The following GLIS3 variants were observed in gnomAD, a reference collection of about 807,000 sequenced individuals.
The protein encoded by GLIS3 is GLIS family zinc finger 3.
GLIS3 carries 53 observed loss-of-function variants against 78.6 expected under a neutral mutation model. That is an observed-to-expected ratio of 0.67 (90% CI 0.54 to 0.85). The LOEUF (loss-of-function observed/expected upper bound fraction) is 0.85, where lower values mean the gene tolerates loss of function less well. GLIS3 is among the 40% of genes least tolerant of loss of function. The pLI is 0.00. For synonymous variants in GLIS3, 684 were observed against 509.9 expected (o/e 1.34, Z -4.60); for missense variants, 1,703 against 1,231.1 (o/e 1.38, Z -5.74).
intron 4 of GLIS3, among the ~76,000 whole-genome samples, chr9:4,106,976 G>C (rs752240533): frequency 6.6e-6 from 1 of 152,088 alleles, no homozygotes; most frequent in Non-Finnish European, 1.5e-5. Flanking sequence ...TTTCCCAGCA[G>C]TGGTGATTGT....
chr9:4,463,457 G>C, the GLIS3 span, among the ~76,000 whole-genome samples: 1 of 152,102 alleles, frequency 6.6e-6, no homozygotes, highest in African/African-American at 2.4e-5. Context: ...CCCAGGCCCT[G>C]AAAATATGCT....
chr9:4,059,596 T>G (rs541699178), intron 4 of GLIS3, among the ~76,000 whole-genome samples: 1 of 152,320 alleles, frequency 6.6e-6, no homozygotes, highest in Non-Finnish European at 1.5e-5. Context: ...GGGAATAACC[T>G]GGAGACTGGT....
At chr9:3,997,206 C>A (rs1820810239) in intron 4 of GLIS3, among the ~76,000 whole-genome samples, 1 of 151,890 alleles carries the variant, frequency 6.6e-6, no homozygotes, top group Non-Finnish European at 1.5e-5. Context: ...ATTAGCTGGG[C>A]GTGGTGGTGC....
the GLIS3 span, among the ~76,000 whole-genome samples, chr9:4,417,787 T>C: frequency 6.6e-6 from 1 of 152,216 alleles, no homozygotes; most frequent in African/African-American, 2.4e-5. Context: ...TTTGTAATCT[T>C]TGCCTATCTG....
chr9:4,236,683 T>A (rs1384313320), intron 2 of GLIS3, among the ~76,000 whole-genome samples: 2 of 152,232 alleles, frequency 1.3e-5, no homozygotes, highest in African/African-American at 4.8e-5. Flanking sequence ...GTGCCTCATT[T>A]ACTCATAAAT....
At chr9:4,030,553 T>C (rs946165746) in intron 4 of GLIS3, among the ~76,000 whole-genome samples, 1 of 152,202 alleles carries the variant, frequency 6.6e-6, no homozygotes. Context: ...TGTTTTCTTG[T>C]AGTAGTTTCA....
Position 4,052,678 on chromosome 9 carries a change from A to C in GLIS3, c.1710+65090T>G, listed in dbSNP as rs115778021. On this transcript the variant is annotated intron_variant, in intron 4 of 10. Transcript: ENST00000381971. ...GCATGTATCAGAACTTTATTCTAAA[A>C]TTTCACTATATGGATATACCACATT... 3.2e-3 allele frequency among the ~76,000 whole-genome samples: 488 copies of C among 152,290 alleles called. 4 individuals carry two copies. The highest frequency in any genetic ancestry group is 0.011 in the African/African-American group (461 of 41,560).
the GLIS3 span, among the ~76,000 whole-genome samples, chr9:4,369,448 T>C: frequency 8.1e-3 from 1,239 of 152,266 alleles, 21 homozygotes; most frequent in African/African-American, 0.029. Context: ...GCTCCAAGGG[T>C]AGGTTTCTGT....
chr9:4,254,326 T>A (rs1824702141), intron 2 of GLIS3, among the ~76,000 whole-genome samples: 1 of 152,216 alleles, frequency 6.6e-6, no homozygotes, highest in South Asian at 2.1e-4. Context: ...AAGAAACGTG[T>A]TGGATCTGTC....
intron 2 of GLIS3, among the ~76,000 whole-genome samples, chr9:4,319,331 A>G (rs191285283): frequency 6.6e-6 from 1 of 152,306 alleles, no homozygotes; most frequent in East Asian, 1.9e-4. Flanking sequence ...AATGATCCAG[A>G]TGGGGGAGCA....
At chr9:4,063,298 T>C (rs755349306) in intron 4 of GLIS3, among the ~76,000 whole-genome samples, 67 of 152,186 alleles carry the variant, frequency 4.4e-4, no homozygotes, top group Non-Finnish European at 7.1e-4. Context: ...TAACTCAATA[T>C]GGAAGAGACT....
At chr9:4,457,882 A>G in the GLIS3 span, among the ~76,000 whole-genome samples, 1 of 151,786 alleles carries the variant, frequency 6.6e-6, no homozygotes, top group Non-Finnish European at 1.5e-5. Flanking sequence ...AAACTGCAGT[A>G]TGATACTAGG....
intron 2 of GLIS3, among the ~76,000 whole-genome samples, chr9:4,217,345 A>T (rs1404493809): frequency 6.6e-6 from 1 of 152,202 alleles, no homozygotes; most frequent in Non-Finnish European, 1.5e-5. Context: ...AAATTTTAAA[A>T]ACTTGTTTAG....
chr9:4,159,247 A>G (rs942749247), intron 2 of GLIS3, among the ~76,000 whole-genome samples: 2 of 152,108 alleles, frequency 1.3e-5, no homozygotes, highest in African/African-American at 4.8e-5. Context: ...CAGATGAACC[A>G]TCTCCAGGGT....
At chr9:4,305,147 C>G (rs1207332848) in intron 4 of GLIS3, 1 of 152,146 alleles carries the variant, frequency 6.6e-6, no homozygotes, top group East Asian at 1.9e-4. Context: ...CCACTGTCAC[C>G]CAACTCATGT....
At position 3,991,750 on chromosome 9, in the gene GLIS3, G is replaced by A. The variant is rs549802611; in HGVS notation, c.1711-54561C>T. ...CTGTCGCCCAGGCTGGAGTGCAGTG[G>A]TGGGATCTCGGCTCACTGCAAGCTC... On this transcript the variant is annotated intron_variant, in intron 4 of 10. Coordinates refer to ENST00000381971, the MANE Select transcript of GLIS3 (RefSeq NM_001042413.2). Among the ~76,000 whole-genome samples the A allele has an allele frequency of 5.9e-3, 824 of 139,096 alleles. 5 individuals are homozygous for A. Among genetic ancestry groups the A allele is most frequent in the Middle Eastern group, 0.017 (4 of 240 alleles). 91.3% of individuals were successfully genotyped at this position (139,096 alleles called of 152,430 possible).
chr9:3,856,796 G>C (rs1232433764), intron 8 of GLIS3, among the ~76,000 whole-genome samples: 1 of 152,204 alleles, frequency 6.6e-6, no homozygotes, highest in African/African-American at 2.4e-5. Flanking sequence ...GCTTGGCAAA[G>C]AGTGTTCCTG....
the GLIS3 span, among the ~76,000 whole-genome samples, chr9:4,474,182 C>T: frequency 1.3e-4 from 20 of 152,206 alleles, no homozygotes; most frequent in African/African-American, 4.8e-4. Context: ...ATATCAAATA[C>T]CAAAGCTACA....
At chr9:4,415,472 C>G in the GLIS3 span, among the ~76,000 whole-genome samples, 1 of 152,162 alleles carries the variant, frequency 6.6e-6, no homozygotes, top group Non-Finnish European at 1.5e-5. Flanking sequence ...ATGTTAGTCA[C>G]CAGACACTAC....
Sources: gnomAD v4.1 joint callset for allele counts (sites outside exome capture counted in the v4.1 genomes callset) on GRCh38, gnomAD v4.1.1 for gene constraint, MANE v1.5 for transcripts, NCBI Gene and HGNC (gene_info 2026-07-23, HGNC 2026-07-21) for gene names.